SHROOM3: variants seen among roughly 807,000 people sequenced by gnomAD.
SHROOM3 encodes shroom family member 3.
Under a neutral mutation model 138.6 loss-of-function variants are expected in SHROOM3, and 47 were observed. The ratio of observed to expected loss-of-function variants is 0.34; its 90% CI spans 0.27 to 0.43. SHROOM3 has a LOEUF of 0.43. Ranked by LOEUF, SHROOM3 falls within the 20% of genes least tolerant of loss-of-function variation. The probability of loss-of-function intolerance (pLI) is 1.00; values close to 1 mark genes in which losing one functional copy is unlikely to be tolerated. For missense variants in SHROOM3, 2,491 were observed against 2,596.5 expected (o/e 0.96, Z 0.88); for synonymous variants, 1,062 against 1,063.3 (o/e 1.00, Z 0.02).
rs565666360 is a variant in SHROOM3, at chr4:76,706,853, G to A, written c.324-3303G>A. The stretch of plus-strand genomic sequence containing the variant: ...TGAGGTGTACATCTATAGCCAGTGT[G>A]CTGCACTGCTAGCACACAAGGGGCC... On this transcript the variant is annotated intron_variant, in intron 2 of 10. Transcript: ENST00000296043. 4.6e-5 allele frequency among the ~76,000 whole-genome samples: 7 copies of A among 152,330 alleles called. 1 individual carries two copies. Among genetic ancestry groups the A allele is most frequent in the Admixed American group, 4.6e-4 (7 of 15,306 alleles).
chr4:76,683,098 A>T (rs1422789264), intron 2 of SHROOM3, among the ~76,000 whole-genome samples: 4 of 152,190 alleles, frequency 2.6e-5, no homozygotes, highest in African/African-American at 9.6e-5. Flanking sequence ...AACAAGTATC[A>T]TATTTATTTG....
intron 5 of SHROOM3, among the ~76,000 whole-genome samples, chr4:76,743,076 A>G (rs1173425213): frequency 6.6e-6 from 1 of 152,254 alleles, no homozygotes; most frequent in East Asian, 1.9e-4. Flanking sequence ...ATAATATGCT[A>G]TGGAAAGGAA....
At chr4:76,657,217 A>G (rs1237864202) in intron 2 of SHROOM3, among the ~76,000 whole-genome samples, 2 of 152,164 alleles carry the variant, frequency 1.3e-5, no homozygotes, top group South Asian at 2.1e-4. Context: ...ATATATATAT[A>G]CACATATTCA....
At chr4:76,731,346 T>G (rs1272387180) in intron 4 of SHROOM3, among the ~76,000 whole-genome samples, 2 of 152,210 alleles carry the variant, frequency 1.3e-5, no homozygotes, top group Non-Finnish European at 2.9e-5. Flanking sequence ...CTCTTTCAAT[T>G]AAGGTAATTT....
chr4:76,564,531 G>T (rs1475861336), intron 2 of SHROOM3, among the ~76,000 whole-genome samples: 1 of 152,138 alleles, frequency 6.6e-6, no homozygotes, highest in Non-Finnish European at 1.5e-5. Flanking sequence ...CTAACCAGTT[G>T]TTCCTTCCCA....
chr4:76,643,250 T>C (rs1176906428), intron 2 of SHROOM3, among the ~76,000 whole-genome samples: 2 of 151,896 alleles, frequency 1.3e-5, no homozygotes, highest in East Asian at 3.9e-4. Context: ...CTAAACTCTT[T>C]ATTAGGTGTT....
chr4:76,609,059 A>G (rs1031007335), intron 2 of SHROOM3, among the ~76,000 whole-genome samples: 1 of 152,248 alleles, frequency 6.6e-6, no homozygotes, highest in Non-Finnish European at 1.5e-5. Flanking sequence ...CAAGGTGTTA[A>G]TATCCAGAAT....
intron 1 of SHROOM3, among the ~76,000 whole-genome samples, chr4:76,530,349 T>C (rs973485680): frequency 2.0e-5 from 3 of 152,214 alleles, no homozygotes; most frequent in African/African-American, 7.2e-5. Flanking sequence ...GTGGGGTATC[T>C]GCTTCATGAA....
intron 2 of SHROOM3, among the ~76,000 whole-genome samples, chr4:76,691,478 T>C (rs1407554242): frequency 1.3e-5 from 2 of 152,240 alleles, no homozygotes; most frequent in Non-Finnish European, 2.9e-5. Context: ...TTTTGATTTA[T>C]GTGAAACAAA....
chr4:76,510,004 TGTTAAAGTGA>T (rs1732299599), intron 1 of SHROOM3, among the ~76,000 whole-genome samples: 1 of 152,006 alleles, frequency 6.6e-6, no homozygotes, highest in Non-Finnish European at 1.5e-5. Flanking sequence ...AGTGAGGAAG[TGTTAAAGTGA>T]GTACTTCCAT....
chr4:76,652,604 G>A (rs545988964), intron 2 of SHROOM3, among the ~76,000 whole-genome samples: 19 of 152,242 alleles, frequency 1.2e-4, no homozygotes, highest in African/African-American at 3.1e-4. Context: ...GTGCTATGTC[G>A]AATGGCCAAT....
chr4:76,598,112 G>A (rs569568708), intron 2 of SHROOM3, among the ~76,000 whole-genome samples: 7 of 150,112 alleles, frequency 4.7e-5, no homozygotes, highest in East Asian at 3.9e-4. Context: ...TGCAAGCTCC[G>A]CCTCCTGGGT....
chr4:76,555,560 G>T (rs746332451), intron 1 of SHROOM3, 49 bp from the exon 2 acceptor site: 1 of 1,610,650 alleles, frequency 6.2e-7, no homozygotes, highest in Non-Finnish European at 8.5e-7. Flanking sequence ...ACAGACCCCA[G>T]GCCAGGGGAA....
chr4:76,697,220 C>A (rs1346970753), intron 2 of SHROOM3, among the ~76,000 whole-genome samples: 1 of 151,430 alleles, frequency 6.6e-6, no homozygotes, highest in African/African-American at 2.4e-5. Context: ...AGCCACTGTA[C>A]TCTGCCCCGA....
At position 76,739,206 on chromosome 4, in the gene SHROOM3, G is replaced by A. The variant is rs1721170166; in HGVS notation, c.1033G>A (p.Asp345Asn). The change falls in exon 5 of 11, where the codon GAT becomes AAT. Residue 345 changes from aspartate to asparagine, a missense_variant. Asp to Asn is a conservative substitution (Grantham distance 23). Transcript: ENST00000296043. Reference protein sequence around the residue: ...ARASANGQGYDKWSNIPRGKG... With the variant: ...ARASANGQGYNKWSNIPRGKG... The stretch of plus-strand genomic sequence containing the variant: ...AGCCTCAGCAAATGGTCAGGGCTAT[G>A]ATAAATGGTCTAATATTCCTCGGGG... 1.9e-6 allele frequency: 3 copies of A among 1,614,074 alleles called. No homozygotes were observed. Among genetic ancestry groups the A allele is most frequent in the African/African-American group, 1.3e-5 (1 of 74,932 alleles).
At chr4:76,606,082 C>T (rs1259008184) in intron 2 of SHROOM3, among the ~76,000 whole-genome samples, 7 of 138,840 alleles carry the variant, frequency 5.0e-5, no homozygotes, top group South Asian at 4.6e-4. Flanking sequence ...GGTGCAATCT[C>T]GGCTCACTGC....
intron 4 of SHROOM3, among the ~76,000 whole-genome samples, chr4:76,734,507 A>G (rs1441752366): frequency 6.7e-6 from 1 of 149,532 alleles, no homozygotes. Flanking sequence ...AAATATTTTA[A>G]AAATACTTTT....
At chr4:76,777,874 A>C (rs1238383818) in intron 10 of SHROOM3, among the ~76,000 whole-genome samples, 2 of 152,238 alleles carry the variant, frequency 1.3e-5, no homozygotes, top group Non-Finnish European at 2.9e-5. Flanking sequence ...AACTCTTAGA[A>C]TATGACATTG....
At chr4:76,439,945 A>G (rs528349529) in intron 1 of SHROOM3, among the ~76,000 whole-genome samples, 25 of 152,344 alleles carry the variant, frequency 1.6e-4, no homozygotes, top group Admixed American at 5.2e-4. Context: ...CTTCAAAAAG[A>G]AAGGGTAACT....
Sources: gnomAD v4.1 joint callset for allele counts (sites outside exome capture counted in the v4.1 genomes callset) on GRCh38, gnomAD v4.1.1 for gene constraint, MANE v1.5 for transcripts, NCBI Gene and HGNC (gene_info 2026-07-23, HGNC 2026-07-21) for gene names.